The following ULK4 variants were observed in gnomAD, a reference collection of about 807,000 sequenced individuals.
ULK4 encodes the protein unc-51 like kinase 4, also known as inactive serine/threonine-protein kinase ULK4.
Under a neutral mutation model 160.6 loss-of-function variants are expected in ULK4, and 133 were observed. That is an observed-to-expected ratio of 0.83 (90% confidence interval 0.72 to 0.96). ULK4 has a LOEUF of 0.96. Among genes scored for constraint, ULK4 ranks in the 40% least tolerant of loss-of-function variants. The pLI is 0.00. For missense variants in ULK4, 1,580 were observed against 1,499.5 expected (o/e 1.05, Z -0.89); for synonymous variants, 534 against 539.8 (o/e 0.99, Z 0.15).
chr3:41,800,428 T>A (rs1023101990), intron 19 of ULK4, 135 bp from the exon 20 acceptor site: 10 of 756,692 alleles, frequency 1.3e-5, no homozygotes, highest in Non-Finnish European at 1.9e-5. Flanking sequence ...TTGGGAGGAA[T>A]GATAACTCTT....
chr3:41,503,328 C>G (rs1015131985), intron 32 of ULK4, among the ~76,000 whole-genome samples: 5 of 152,188 alleles, frequency 3.3e-5, no homozygotes, highest in Admixed American at 2.0e-4. Flanking sequence ...CTGGACATCA[C>G]TTAAGGTCTA....
At chr3:41,660,475 T>C (rs1413134512) in intron 30 of ULK4, among the ~76,000 whole-genome samples, 1 of 152,178 alleles carries the variant, frequency 6.6e-6, no homozygotes, top group Non-Finnish European at 1.5e-5. Context: ...TTTCTCCCAC[T>C]AAAAATCAAT....
At chr3:41,377,513 A>C (rs1398558526) in intron 35 of ULK4, among the ~76,000 whole-genome samples, 1 of 149,452 alleles carries the variant, frequency 6.7e-6, no homozygotes, top group Admixed American at 6.6e-5. Context: ...CAATGAACTC[A>C]AACAAATTTA....
At chr3:41,701,424 G>C (rs2036672464) in intron 27 of ULK4, among the ~76,000 whole-genome samples, 1 of 152,090 alleles carries the variant, frequency 6.6e-6, no homozygotes, top group Non-Finnish European at 1.5e-5. Context: ...GAACATAAGA[G>C]AATGAAATAA....
At chr3:41,763,329 G>C (rs1273522267) in intron 21 of ULK4, among the ~76,000 whole-genome samples, 10 of 152,050 alleles carry the variant, frequency 6.6e-5, no homozygotes, top group Admixed American at 1.3e-4. Flanking sequence ...AAATCAATGA[G>C]GTGGGAAAAA....
intron 35 of ULK4, among the ~76,000 whole-genome samples, chr3:41,384,786 T>A (rs143010012): frequency 5.3e-5 from 8 of 152,178 alleles, no homozygotes; most frequent in Non-Finnish European, 8.8e-5. Flanking sequence ...AGTTTCACCA[T>A]GTTAGCCAGG....
chr3:41,310,999 A>AT (rs2080037498), intron 35 of ULK4, among the ~76,000 whole-genome samples: 1 of 151,474 alleles, frequency 6.6e-6, no homozygotes, highest in Non-Finnish European at 1.5e-5. Flanking sequence ...TCTCAAAAAA[A>AT]AATAATAATA....
At chr3:41,738,820 A>G (rs1420700820) in intron 22 of ULK4, among the ~76,000 whole-genome samples, 2 of 152,066 alleles carry the variant, frequency 1.3e-5, no homozygotes, top group Admixed American at 1.3e-4. Flanking sequence ...TATCTGAAGA[A>G]TTCACAAACT....
At chr3:41,704,638 C>A (rs148128900) in intron 27 of ULK4, among the ~76,000 whole-genome samples, 3 of 152,054 alleles carry the variant, frequency 2.0e-5, no homozygotes, top group Non-Finnish European at 4.4e-5. Context: ...TGAAGGGAGA[C>A]GGAGTGGGGC....
chr3:41,536,221 T>C (rs1383657940), intron 32 of ULK4, among the ~76,000 whole-genome samples: 2 of 152,204 alleles, frequency 1.3e-5, no homozygotes, highest in East Asian at 3.9e-4. Context: ...TCTTAGTGCT[T>C]TGTATCCTCT....
intron 30 of ULK4, among the ~76,000 whole-genome samples, chr3:41,644,587 C>G (rs996321758): frequency 2.0e-5 from 3 of 151,058 alleles, no homozygotes; most frequent in African/African-American, 7.3e-5. Context: ...CTGCTGGATT[C>G]GGTTTGCCAG....
At chr3:41,335,340 T>C (rs2080532539) in intron 35 of ULK4, among the ~76,000 whole-genome samples, 1 of 152,216 alleles carries the variant, frequency 6.6e-6, no homozygotes, top group Non-Finnish European at 1.5e-5. Flanking sequence ...TAAAGACTGA[T>C]GACAGAAATC....
intron 33 of ULK4, among the ~76,000 whole-genome samples, chr3:41,459,575 T>C (rs935797461): frequency 2.6e-5 from 4 of 152,194 alleles, no homozygotes; most frequent in African/African-American, 9.7e-5. Context: ...TCCAAATAAC[T>C]GTGCTAAGGC....
At chr3:41,770,491 T>A (rs145258944) in intron 21 of ULK4, among the ~76,000 whole-genome samples, 1 of 151,458 alleles carries the variant, frequency 6.6e-6, no homozygotes, top group Admixed American at 6.6e-5. Context: ...AACGTATACA[T>A]TGATTTTATA....
rs1699019912 is a variant in ULK4, at chr3:41,917,783, C to T, written c.727+674G>A. Among the ~76,000 whole-genome samples the T allele has an allele frequency of 3.9e-5, 6 of 152,084 alleles. No individual in the cohort carries two copies. The South Asian group carries it at 1.0e-3, about 26-fold the overall frequency. ...GATCATGACATCAGGAGTTTGAGAC[C>T]AGCCTGGCCAAGATGGTGAAACCCC... On this transcript the variant is annotated intron_variant, in intron 7 of 36. Coordinates refer to ENST00000301831, the MANE Select transcript of ULK4 (RefSeq NM_017886.4).
chr3:41,579,194 A>G (rs1443774942), intron 31 of ULK4, among the ~76,000 whole-genome samples: 1 of 152,214 alleles, frequency 6.6e-6, no homozygotes, highest in Non-Finnish European at 1.5e-5. Context: ...TATTCCAATA[A>G]ATGAGCTTCA....
At chr3:41,953,549 G>A (rs1454649147) in intron 2 of ULK4, among the ~76,000 whole-genome samples, 1 of 151,532 alleles carries the variant, frequency 6.6e-6, no homozygotes, top group African/African-American at 2.4e-5. Flanking sequence ...GATTACAGGT[G>A]TGAGCCACCA....
At chr3:41,387,456 T>C (rs922263795) in intron 35 of ULK4, among the ~76,000 whole-genome samples, 7 of 152,074 alleles carry the variant, frequency 4.6e-5, no homozygotes, top group Admixed American at 1.3e-4. Flanking sequence ...ATGTGCCATG[T>C]TGGTGTGCTG....
intron 21 of ULK4, among the ~76,000 whole-genome samples, chr3:41,786,140 A>G (rs2039991238): frequency 1.3e-5 from 2 of 152,184 alleles, no homozygotes; most frequent in Admixed American, 6.5e-5. Flanking sequence ...TATGTTCTTC[A>G]GGACACTAAA....
Sources: gnomAD v4.1 joint callset for allele counts (sites outside exome capture counted in the v4.1 genomes callset) on GRCh38, gnomAD v4.1.1 for gene constraint, MANE v1.5 for transcripts, NCBI Gene and HGNC (gene_info 2026-07-23, HGNC 2026-07-21) for gene names.